Variants in ARHGAP26 observed in about 807,000 individuals in gnomAD.
ARHGAP26 encodes the protein Rho GTPase activating protein 26.
A neutral mutation model predicts 104.8 loss-of-function variants in ARHGAP26; 38 were observed. The observed-to-expected ratio is 0.36, with a 90% CI of 0.28 to 0.48. ARHGAP26 has a LOEUF of 0.48. ARHGAP26 is among the 20% of genes least tolerant of loss of function. ARHGAP26 has a pLI of 0.99. For missense variants in ARHGAP26, 704 were observed against 947.9 expected (o/e 0.74, Z 3.38); for synonymous variants, 341 against 340.0 (o/e 1.00, Z -0.03).
intron 12 of ARHGAP26, among the ~76,000 whole-genome samples, chr5:143,035,455 G>A (rs1782471874): frequency 6.6e-6 from 1 of 152,124 alleles, no homozygotes; most frequent in African/African-American, 2.4e-5. Flanking sequence ...ACCAAACATT[G>A]TATGTTCTCA....
At chr5:142,903,711 C>T in intron 8 of ARHGAP26, 42 bp downstream of exon 8, 1 of 1,596,222 alleles carries the variant, frequency 6.3e-7, no homozygotes, top group Admixed American at 1.8e-5. Flanking sequence ...GTACTCAGGC[C>T]TCTTACCTAG....
intron 11 of ARHGAP26, among the ~76,000 whole-genome samples, chr5:142,945,370 C>T (rs1181938302): frequency 6.6e-6 from 1 of 152,216 alleles, no homozygotes; most frequent in Non-Finnish European, 1.5e-5. Context: ...TCTGCCTGCT[C>T]TCTTTTTGTT....
intron 11 of ARHGAP26, among the ~76,000 whole-genome samples, chr5:142,933,372 T>C (rs1257936951): frequency 6.6e-6 from 1 of 152,216 alleles, no homozygotes; most frequent in Non-Finnish European, 1.5e-5. Flanking sequence ...ATTTTATAGA[T>C]AAGTAAACTG....
intron 11 of ARHGAP26, among the ~76,000 whole-genome samples, chr5:142,979,164 T>A (rs941114325): frequency 4.6e-5 from 7 of 152,192 alleles, no homozygotes; most frequent in African/African-American, 1.7e-4. Context: ...ATGGTGAAGA[T>A]GAAAAAAACG....
At chr5:143,049,697 C>T (rs573650408) in intron 14 of ARHGAP26, among the ~76,000 whole-genome samples, 5 of 152,304 alleles carry the variant, frequency 3.3e-5, no homozygotes, top group African/African-American at 1.2e-4. Flanking sequence ...GAATCATTAT[C>T]TTACCTGATG....
intron 17 of ARHGAP26, among the ~76,000 whole-genome samples, chr5:143,068,820 GC>G (rs1787871660): frequency 6.6e-6 from 1 of 152,048 alleles, no homozygotes; most frequent in South Asian, 2.1e-4. Flanking sequence ...TGAACCTCAG[GC>G]TTTTTATGCA....
chr5:143,177,647 A>G (rs1460318742), intron 20 of ARHGAP26, among the ~76,000 whole-genome samples: 3 of 152,156 alleles, frequency 2.0e-5, no homozygotes, highest in Non-Finnish European at 2.9e-5. Flanking sequence ...TACAAAATAT[A>G]TTTATAGTGC....
chr5:142,806,587 C>T (rs1038320402), intron 1 of ARHGAP26, among the ~76,000 whole-genome samples: 1 of 151,928 alleles, frequency 6.6e-6, no homozygotes, highest in Admixed American at 6.6e-5. Context: ...CATTAGTTAA[C>T]ATCTTTGTAT....
At chr5:143,073,305 T>C (rs1398779826) in intron 17 of ARHGAP26, among the ~76,000 whole-genome samples, 1 of 152,228 alleles carries the variant, frequency 6.6e-6, no homozygotes, top group African/African-American at 2.4e-5. Flanking sequence ...AAGGAGGCTG[T>C]CCTTGTATCC....
At chr5:142,903,971 A>G (rs1760734530) in intron 8 of ARHGAP26, among the ~76,000 whole-genome samples, 1 of 152,024 alleles carries the variant, frequency 6.6e-6, no homozygotes, top group Admixed American at 6.6e-5. Flanking sequence ...TTTATGTACC[A>G]TACCCTGAGC....
intron 17 of ARHGAP26, among the ~76,000 whole-genome samples, chr5:143,089,761 T>G (rs866986716): frequency 6.6e-6 from 1 of 152,252 alleles, no homozygotes; most frequent in South Asian, 2.1e-4. Context: ...TGCAGCTATT[T>G]TATTTCGGGC....
chr5:142,927,875 T>G (rs970551965), intron 10 of ARHGAP26, among the ~76,000 whole-genome samples: 4 of 152,236 alleles, frequency 2.6e-5, no homozygotes, highest in Non-Finnish European at 5.9e-5. Flanking sequence ...ACTTGTTATA[T>G]CTCATTGTGG....
intron 17 of ARHGAP26, among the ~76,000 whole-genome samples, chr5:143,068,341 T>C (rs1187026524): frequency 6.6e-6 from 1 of 152,146 alleles, no homozygotes; most frequent in Non-Finnish European, 1.5e-5. Context: ...GATGATCATC[T>C]CAGATGTTGC....
chr5:142,884,539 G>A (rs1384091480), intron 4 of ARHGAP26, among the ~76,000 whole-genome samples: 2 of 152,116 alleles, frequency 1.3e-5, no homozygotes, highest in Non-Finnish European at 2.9e-5. Context: ...TTGTCCATAG[G>A]TAGACACACT....
At chr5:143,167,411 G>T (rs994671085) in intron 20 of ARHGAP26, among the ~76,000 whole-genome samples, 6 of 146,314 alleles carry the variant, frequency 4.1e-5, no homozygotes, top group African/African-American at 1.5e-4. Flanking sequence ...GAACCCGGGG[G>T]GGAAGAGGTT....
At chr5:142,941,159 G>GT (rs1766294901) in intron 11 of ARHGAP26, among the ~76,000 whole-genome samples, 1 of 146,474 alleles carries the variant, frequency 6.8e-6, no homozygotes, top group Admixed American at 6.8e-5. Flanking sequence ...TGGTAGTTCT[G>GT]TTTTAAGTTC....
chr5:142,881,257 G>A (rs866676239), intron 4 of ARHGAP26, among the ~76,000 whole-genome samples: 14 of 152,190 alleles, frequency 9.2e-5, no homozygotes, highest in Non-Finnish European at 1.2e-4. Context: ...CTTTTCAGTA[G>A]TTACTTCTCC....
intron 19 of ARHGAP26, among the ~76,000 whole-genome samples, chr5:143,144,906 C>A (rs1798984715): frequency 6.6e-6 from 1 of 152,214 alleles, no homozygotes; most frequent in South Asian, 2.1e-4. Context: ...TGTTCTCAGT[C>A]TCATTATGTG....
chr5:142,893,848 GT>G (rs796736256), intron 5 of ARHGAP26, among the ~76,000 whole-genome samples: 66 of 151,062 alleles, frequency 4.4e-4, no homozygotes, highest in African/African-American at 1.5e-3. Context: ...GATGTTGAAC[GT>G]TTTTTAATAT....
Sources: allele counts gnomAD v4.1 joint callset (sites outside exome capture counted in the v4.1 genomes callset), GRCh38; gene constraint gnomAD v4.1.1; transcripts MANE v1.5; gene names NCBI Gene and HGNC (gene_info 2026-07-23, HGNC 2026-07-21).